The following LINGO2 variants were observed in gnomAD, a reference collection of about 807,000 sequenced individuals.
The protein encoded by LINGO2 is leucine rich repeat and Ig domain containing 2.
A neutral mutation model predicts 30.6 loss-of-function variants in LINGO2; 14 were observed. The observed-to-expected ratio is 0.46, with a 90% CI of 0.30 to 0.72. The LOEUF (loss-of-function observed/expected upper bound fraction) is 0.72, where lower values mean the gene tolerates loss of function less well. Among genes scored for constraint, LINGO2 ranks in the 30% least tolerant of loss-of-function variants. The pLI, the probability that LINGO2 is intolerant of heterozygous loss-of-function variation, is 0.07. For missense variants in LINGO2, 729 were observed against 751.7 expected (o/e 0.97, Z 0.35); for synonymous variants, 317 against 288.5 (o/e 1.10, Z -1.00).
At chr9:28,190,820 C>G (rs895795460) in intron 4 of LINGO2, among the ~76,000 whole-genome samples, 4 of 152,132 alleles carry the variant, frequency 2.6e-5, no homozygotes, top group African/African-American at 9.7e-5. Flanking sequence ...CTAGTCCAAA[C>G]TAACTGATAA....
At chr9:28,177,840 G>T (rs1407243961) in intron 4 of LINGO2, among the ~76,000 whole-genome samples, 1 of 152,102 alleles carries the variant, frequency 6.6e-6, no homozygotes, top group Middle Eastern at 3.2e-3. Flanking sequence ...CCAAATAGTG[G>T]ATGATTTAGA....
chr9:28,372,510 GAGAGA>G (rs768330211), intron 3 of LINGO2, among the ~76,000 whole-genome samples: 1 of 152,144 alleles, frequency 6.6e-6, no homozygotes, highest in Non-Finnish European at 1.5e-5. Flanking sequence ...CTGGCTGTTG[GAGAGA>G]ATGGAATGAT....
At chr9:28,797,623 T>C in the LINGO2 span, among the ~76,000 whole-genome samples, 1,986 of 152,204 alleles carry the variant, frequency 0.013, 17 homozygotes, top group Non-Finnish European at 0.022. Context: ...GAGAAGGCTA[T>C]ACCTAAAGTT....
chr9:28,764,051 A>C, the LINGO2 span, among the ~76,000 whole-genome samples: 4 of 151,778 alleles, frequency 2.6e-5, no homozygotes, highest in African/African-American at 4.8e-5. Flanking sequence ...AACAACAAAA[A>C]AGAGCAAGGA....
chr9:28,464,510 A>G (rs762979792), intron 2 of LINGO2, among the ~76,000 whole-genome samples: 3 of 152,186 alleles, frequency 2.0e-5, no homozygotes, highest in Non-Finnish European at 4.4e-5. Context: ...ACAGTTCCTT[A>G]TATGCAAAAC....
chr9:28,067,227 GA>G (rs1825339900), intron 4 of LINGO2, among the ~76,000 whole-genome samples: 1 of 152,018 alleles, frequency 6.6e-6, no homozygotes, highest in Admixed American at 6.6e-5. Context: ...GGTATCCTGT[GA>G]ATCTTAATTA....
At chr9:28,614,027 T>A (rs1229282046) in intron 1 of LINGO2, among the ~76,000 whole-genome samples, 1 of 152,150 alleles carries the variant, frequency 6.6e-6, no homozygotes, top group Non-Finnish European at 1.5e-5. Flanking sequence ...CAAAGGGCTA[T>A]AATTTGACTT....
chr9:29,184,568 A>G, the LINGO2 span, among the ~76,000 whole-genome samples: 2 of 152,138 alleles, frequency 1.3e-5, no homozygotes, highest in Non-Finnish European at 2.9e-5. Flanking sequence ...ACATCTCCCA[A>G]TTTAGGTAGT....
At chr9:29,153,283 C>T in the LINGO2 span, among the ~76,000 whole-genome samples, 1 of 151,932 alleles carries the variant, frequency 6.6e-6, no homozygotes, top group Middle Eastern at 3.2e-3. Context: ...GTTGTTTGCT[C>T]ATTTAGCTAG....
chr9:28,511,852 TCAC>T (rs1409818311), intron 1 of LINGO2, among the ~76,000 whole-genome samples: 2 of 152,148 alleles, frequency 1.3e-5, no homozygotes, highest in Non-Finnish European at 2.9e-5. Context: ...AGATTTCCCT[TCAC>T]CACTGTCCTT....
rs139076832 is a variant in LINGO2 at position 28,660,560 on chromosome 9, G to T, written c.-365+9640C>A. The stretch of plus-strand genomic sequence containing the variant: ...ACAGTAAACATATACTGGTAAAAAT[G>T]TAGCCTAAAATCATAATAAAAAGCA... On this transcript the variant is annotated intron_variant, in intron 1 of 5. Transcript: ENST00000379992. Among the ~76,000 whole-genome samples the T allele has an allele frequency of 3.4e-3, 511 of 152,042 alleles. 5 individuals carry two copies. The highest frequency in any genetic ancestry group is 0.011 in the African/African-American group (476 of 41,506).
the LINGO2 span, among the ~76,000 whole-genome samples, chr9:28,961,906 C>T: frequency 6.6e-6 from 1 of 152,150 alleles, no homozygotes; most frequent in South Asian, 2.1e-4. Context: ...CTGTGGAAAA[C>T]TTAACGTTAA....
the LINGO2 span, among the ~76,000 whole-genome samples, chr9:28,785,650 G>T: frequency 3.7e-5 from 3 of 81,858 alleles, no homozygotes; most frequent in African/African-American, 1.5e-4. Flanking sequence ...CCGCCACCCA[G>T]GGCCCTTCTC....
intron 4 of LINGO2, among the ~76,000 whole-genome samples, chr9:28,253,264 G>A (rs1168637632): frequency 6.6e-6 from 1 of 151,982 alleles, no homozygotes; most frequent in Non-Finnish European, 1.5e-5. Flanking sequence ...ATATTGACAG[G>A]TGCCCAATGG....
At position 28,322,453 on chromosome 9, in the gene LINGO2, A is replaced by G. The variant is rs1431178334; in HGVS notation, c.-245-27087T>C. On this transcript the variant is annotated intron_variant, in intron 3 of 5. Coordinates refer to ENST00000379992, the Ensembl canonical transcript of LINGO2. ...AGGCACTCAGTACACACACACACAC[A>G]CACACACACACACACACACACACAC... 5.4e-4 allele frequency among the ~76,000 whole-genome samples: 4 copies of G among 7,430 alleles called. No homozygotes were observed. The Non-Finnish European group carries it at 0.01, about 19-fold the overall frequency. 4.9% of individuals were successfully genotyped at this position (7,430 alleles called of 152,430 possible).
chr9:28,996,376 A>G, the LINGO2 span, among the ~76,000 whole-genome samples: 1 of 152,188 alleles, frequency 6.6e-6, no homozygotes, highest in African/African-American at 2.4e-5. Context: ...GATTTCAGAA[A>G]TACAAGGAAG....
the LINGO2 span, chr9:27,940,335 T>G: frequency 6.6e-6 from 1 of 152,172 alleles, no homozygotes; most frequent in African/African-American, 2.4e-5. Flanking sequence ...CTTTATTTTT[T>G]GATAGAGGGT....
chr9:27,985,015 AC>A (rs1821057153), intron 5 of LINGO2, among the ~76,000 whole-genome samples: 1 of 135,268 alleles, frequency 7.4e-6, no homozygotes, highest in South Asian at 2.4e-4. Flanking sequence ...TTCTGTTTTG[AC>A]AAAAATAATT....
At chr9:28,084,276 T>C (rs963788491) in intron 4 of LINGO2, among the ~76,000 whole-genome samples, 2 of 152,122 alleles carry the variant, frequency 1.3e-5, no homozygotes, top group Non-Finnish European at 2.9e-5. Flanking sequence ...ATTTGGCTTT[T>C]AAAAACAATT....
Sources: gnomAD v4.1 joint callset for allele counts (sites outside exome capture counted in the v4.1 genomes callset) on GRCh38, gnomAD v4.1.1 for gene constraint, MANE v1.5 for transcripts, NCBI Gene and HGNC (gene_info 2026-07-23, HGNC 2026-07-21) for gene names.